RABEP2: variants seen among roughly 807,000 people sequenced by gnomAD.
RABEP2 encodes rab GTPase-binding effector protein 2.
Under a neutral mutation model 74.1 loss-of-function variants are expected in RABEP2, and 57 were observed. The observed-to-expected ratio is 0.77, with a 90% confidence interval of 0.62 to 0.96. The LOEUF (loss-of-function observed/expected upper bound fraction) is 0.96. RABEP2 is among the 40% of genes least tolerant of loss of function. The pLI is 0.00. For missense variants in RABEP2, 692 were observed against 756.3 expected (o/e 0.91, Z 1.00); for synonymous variants, 351 against 344.0 (o/e 1.02, Z -0.23).
chr16:28,925,082 C>A, intron 1 of RABEP2, 21 bp downstream of exon 1: 1 of 1,551,144 alleles, frequency 6.4e-7, no homozygotes, highest in Non-Finnish European at 8.6e-7. Flanking sequence ...TCCCCGCTTG[C>A]ACGGACGCCC....
Position 28,914,519 on chromosome 16 carries a change from G to A in RABEP2, c.611C>T (p.Ser204Leu), listed in dbSNP as rs769480150. 245 of 1,612,772 alleles carry A rather than the reference G, an allele frequency of 1.5e-4. No individual in the cohort carries two copies. Among genetic ancestry groups the A allele is most frequent in the Non-Finnish European group, 2.8e-5 (33 of 1,179,560 alleles). ...TELLPLSRDP[S>L]PPLEPLEELS... ...CTCCTCCAGAGGCTCCAGCGGGGGCGATGGATCCCGGGACAGGGGCAGCAA... is the reference window on the plus strand; with the variant it reads ...CTCCTCCAGAGGCTCCAGCGGGGGCAATGGATCCCGGGACAGGGGCAGCAA... The change falls in exon 5 of 13, where the codon TCG (serine) becomes TTG (leucine). Residue 204 changes from serine (S) to leucine (L), a missense_variant. Coordinates refer to ENST00000358201, the MANE Select transcript of RABEP2 (RefSeq NM_024816.3).
chr16:28,923,951 G>A (rs1245459744), intron 2 of RABEP2: 1 of 179,694 alleles, frequency 5.6e-6, no homozygotes, highest in Non-Finnish European at 1.2e-5. Flanking sequence ...GTGGGGCGGA[G>A]GTGGGGAAGC....
intron 2 of RABEP2, among the ~76,000 whole-genome samples, chr16:28,922,004 C>G (rs944729624): frequency 6.6e-6 from 1 of 152,070 alleles, no homozygotes; most frequent in Non-Finnish European, 1.5e-5. Flanking sequence ...CAGGGTCTCC[C>G]TCTGTCACCC....
In RABEP2 at chr16:28,925,020, T is replaced by A. The variant is rs1964516336; in HGVS notation, c.61+83A>T. 6.3e-6 allele frequency: 8 copies of A among 1,267,654 alleles called. 1 individual carries two copies. The South Asian group carries it at 7.7e-5, about 12-fold the overall frequency. The allele number at this position is 1,267,654 out of a possible 1,614,324, so 78.5% of individuals were successfully genotyped here. A position where few individuals can be genotyped will look rare whatever the true frequency, so the allele number is the denominator to read the frequency against. ...CCCGCCCCTTCCTCCATCATCCCTC[T>A]CCACCCCCCATCCGCAGGTGGCTGG... On this transcript the variant is annotated intron_variant, in intron 1 of 12. Transcript: ENST00000358201.
intron 2 of RABEP2, chr16:28,924,139 G>A (rs1160413281): frequency 3.9e-6 from 2 of 516,640 alleles, no homozygotes; most frequent in Non-Finnish European, 7.0e-6. Context: ...AATCATCAGT[G>A]AGGGACAAGA....
intron 7 of RABEP2, 167 bp downstream of exon 7, chr16:28,910,721 C>T: frequency 3.3e-6 from 2 of 606,886 alleles, no homozygotes; most frequent in African/African-American, 1.8e-5. Context: ...GCCACGGCAC[C>T]AGCTGCCCCA....
rs1964306007 is a variant in RABEP2 at position 28,911,079 on chromosome 16, C to T, written c.990+5G>A. ...GCTGGGGCTGCAGCAGCGGCAGGGA[C>T]CCACCTGCTTGGCACAGTCCTCATT... On this transcript the variant is annotated splice_donor_5th_base_variant and intron_variant, in intron 6 of 12. Coordinates refer to ENST00000358201, the MANE Select transcript of RABEP2 (RefSeq NM_024816.3). The T allele has an allele frequency of 6.2e-7, 1 of 1,612,740 alleles. No homozygotes were observed. Among genetic ancestry groups the T allele is most frequent in the Non-Finnish European group, 8.5e-7 (1 of 1,179,792 alleles).
intron 2 of RABEP2, among the ~76,000 whole-genome samples, chr16:28,923,231 G>T (rs1964490200): frequency 6.6e-6 from 1 of 152,038 alleles, no homozygotes; most frequent in South Asian, 2.1e-4. Context: ...AACATAGAGA[G>T]ACCCTGTTTC....
At position 28,914,550 on chromosome 16, in the gene RABEP2, T is replaced by A. The variant is rs1385257868; in HGVS notation, c.580A>T (p.Thr194Ser). ...PRHAPSLHGS[T>S]ELLPLSRDPS... is the part of the protein sequence containing the mutation. ...TCCCGGGACAGGGGCAGCAACTCCGTGGAGCCGTGCAGGGAAGGGGCATGC... is the reference window on the plus strand; with the variant it reads ...TCCCGGGACAGGGGCAGCAACTCCGAGGAGCCGTGCAGGGAAGGGGCATGC... The change falls in exon 5 of 13, where the codon ACG becomes TCG. Residue 194 changes from threonine (T) to serine (S), a missense_variant. By Grantham distance (58) the Thr-to-Ser change is moderately conservative. Transcript: ENST00000358201. The A allele has an allele frequency of 6.2e-7, 1 of 1,611,190 alleles. No homozygotes were observed. Among genetic ancestry groups the A allele is most frequent in the African/African-American group, 1.3e-5 (1 of 74,770 alleles).
At chr16:28,908,911 T>C in intron 7 of RABEP2, 147 bp from the exon 8 acceptor site, 1 of 814,636 alleles carries the variant, frequency 1.2e-6, no homozygotes, top group Non-Finnish European at 1.9e-6. Context: ...GAGCACTTTT[T>C]GCTACCAAGC....
chr16:28,905,341 G>A, intron 12 of RABEP2, 56 bp downstream of exon 12: 1 of 1,302,108 alleles, frequency 7.7e-7, no homozygotes, highest in Non-Finnish European at 1.1e-6. Context: ...GCAAGACCCA[G>A]GAGAGGTCAC....
chr16:28,916,177 G>A (rs1380758276), intron 3 of RABEP2: 1 of 152,232 alleles, frequency 6.6e-6, no homozygotes, highest in African/African-American at 2.4e-5. Flanking sequence ...TTCAAAGGAA[G>A]AGGGTGTGCC....
At chr16:28,905,920 C>A in intron 9 of RABEP2, 42 bp from the exon 10 acceptor site, 2 of 1,613,320 alleles carry the variant, frequency 1.2e-6, no homozygotes, top group Non-Finnish European at 1.7e-6. Context: ...CAGCCTCTCT[C>A]CCCTCCCCGC....
At chr16:28,910,770 G>A in intron 7 of RABEP2, 118 bp downstream of exon 7, 2 of 890,152 alleles carry the variant, frequency 2.2e-6, no homozygotes, top group Non-Finnish European at 3.5e-6. Context: ...CCAGGGTGTG[G>A]CCTGAGCAGC....
At chr16:28,920,633 G>C (rs980792741) in intron 2 of RABEP2, among the ~76,000 whole-genome samples, 2 of 151,998 alleles carry the variant, frequency 1.3e-5, no homozygotes, top group African/African-American at 4.8e-5. Flanking sequence ...CGATCCGCCC[G>C]CCTTGGCCTC....
chr16:28,921,542 A>G (rs1198247479), intron 2 of RABEP2, among the ~76,000 whole-genome samples: 1 of 151,940 alleles, frequency 6.6e-6, no homozygotes, highest in Non-Finnish European at 1.5e-5. Flanking sequence ...AGACACTGGA[A>G]AGGAGGCAGT....
rs1330385536 is a variant in RABEP2, at chr16:28,914,494, C to T, written c.636G>A (p.Glu212=). 1 of 1,613,282 alleles carries T rather than the reference C, an allele frequency of 6.2e-7. No individual in the cohort carries two copies. The highest frequency in any genetic ancestry group is 2.2e-5 in the East Asian group (1 of 44,878). The change falls in exon 5 of 13, where the codon GAG becomes GAA. Residue 212 remains glutamate, a synonymous_variant. Coordinates refer to ENST00000358201, the MANE Select transcript of RABEP2 (RefSeq NM_024816.3). ...CGGCTGGACCCCCATCTCCGCTCAG[C>T]TCCTCCAGAGGCTCCAGCGGGGGCG... The part of the protein sequence containing the change: ...DPSPPLEPLE[E]LSGDGGPAAE...
At position 28,904,730 on chromosome 16, in the gene RABEP2, G is replaced by A. The variant is rs973168407; in HGVS notation, c.*213C>T. 5 of 640,014 alleles carry A rather than the reference G, an allele frequency of 7.8e-6. No individual in the cohort carries two copies. In the African/African-American group the frequency reaches 9.2e-5, roughly 12 times the overall value. The allele number at this position is 640,014 out of a possible 1,614,324, so 39.6% of individuals were successfully genotyped here. On this transcript the variant is annotated 3_prime_UTR_variant, in exon 13 of 13. Coordinates refer to ENST00000358201, the MANE Select transcript of RABEP2 (RefSeq NM_024816.3). The stretch of plus-strand genomic sequence containing the variant: ...ACCTTTGGTTCCGGGAGGGGCTTGG[G>A]CCCCTCACCCAGGTGTGATCCCTGA...
At chr16:28,921,370 C>T (rs774981394) in intron 2 of RABEP2, among the ~76,000 whole-genome samples, 20 of 151,978 alleles carry the variant, frequency 1.3e-4, no homozygotes, top group Non-Finnish European at 2.1e-4. Flanking sequence ...GGAGCCCTCA[C>T]TCTGCCTGCC....
Sources: gnomAD v4.1 joint callset for allele counts (sites outside exome capture counted in the v4.1 genomes callset) on GRCh38, gnomAD v4.1.1 for gene constraint, MANE v1.5 for transcripts, NCBI Gene and HGNC (gene_info 2026-07-23, HGNC 2026-07-21) for gene names.